Variants in TRPM4 observed in about 807,000 individuals in gnomAD.
TRPM4 encodes the protein transient receptor potential cation channel subfamily M member 4.
TRPM4 carries 124 observed loss-of-function variants against 135.6 expected under a neutral mutation model. The observed-to-expected ratio is 0.91, with a 90% CI of 0.79 to 1.06. The LOEUF (loss-of-function observed/expected upper bound fraction) is 1.06. TRPM4 is among the 50% of genes least tolerant of loss of function. The pLI is 0.00. For synonymous variants in TRPM4, 745 were observed against 705.6 expected, an observed-to-expected ratio of 1.06 and a Z score of -0.88; for missense variants, 1,658 against 1,671.4, an observed-to-expected ratio of 0.99 and a Z score of 0.14.
intron 9 of TRPM4, among the ~76,000 whole-genome samples, chr19:49,176,115 G>C (rs1360505519): frequency 6.7e-6 from 1 of 149,916 alleles, no homozygotes; most frequent in East Asian, 2.0e-4. Context: ...GTACAGACAG[G>C]GTTTCGCCAT....
Position 49,210,391 on chromosome 19 carries a change from C to T in TRPM4, c.3314C>T (p.Ala1105Val), listed in dbSNP as rs995641074. The change falls in exon 21 of 25, where the codon GCC becomes GTC. Residue 1105 changes from alanine to valine, a missense_variant. Ala to Val is a moderately conservative substitution (Grantham distance 64). Transcript: ENST00000252826. This position sits in a 1 kb window ranked among gnomAD's most constrained non-coding sequence, Gnocchi z 4.1. ...CGGAGCCCCCAGCCGTCCTCCCCGG[C>T]CCTCGAGCATTTCCGTAAGAACAGA... is the stretch of plus-strand genomic sequence containing the variant. The part of the protein sequence containing the change: ...RPRSPQPSSP[A>V]LEHFRVYLSK... The T allele has an allele frequency of 1.2e-6, 2 of 1,613,704 alleles. No homozygotes were observed. Among genetic ancestry groups the T allele is most frequent in the Non-Finnish European group, 1.7e-6 (2 of 1,180,028 alleles).
rs558877802 is a variant in TRPM4 at position 49,202,994 on chromosome 19, C to T, written c.3131+853C>T. On this transcript the variant is annotated intron_variant, in intron 20 of 24. Transcript: ENST00000252826. ...CAAGCTCCGCCACCCGGGTTCACGC[C>T]ATTCTCCTACCTCAGCCTCCTGAGT... Among the ~76,000 whole-genome samples, 6 of 151,190 alleles carry T rather than the reference C, an allele frequency of 4.0e-5. No individual in the cohort carries two copies. In the East Asian group the frequency reaches 9.7e-4, roughly 25 times the overall value.
chr19:49,206,343 G>A (rs1412566703), intron 20 of TRPM4, among the ~76,000 whole-genome samples: 1 of 151,962 alleles, frequency 6.6e-6, no homozygotes, highest in African/African-American at 2.4e-5. Context: ...AGATTGTTTT[G>A]GCTATTCTGG....
At chr19:49,189,498 G>GTTTCAGTTTTCAGCAGTTA (rs370472254) in intron 14 of TRPM4, among the ~76,000 whole-genome samples, 2,162 of 151,102 alleles carry the variant, frequency 0.014, 52 homozygotes, top group African/African-American at 0.049. Flanking sequence ...GAGGTCCCTA[G>GTTTCAGTTTTCAGCAGTTA]TTTCAGTTTT....
In TRPM4 at chr19:49,181,347, A is replaced by G; in HGVS notation, c.1151-2A>G. 1 of 1,611,372 alleles carries G rather than the reference A, an allele frequency of 6.2e-7. No homozygotes were observed. The highest frequency in any genetic ancestry group is 8.5e-7 in the Non-Finnish European group (1 of 1,177,808). On this transcript the variant is annotated splice_acceptor_variant, in intron 9 of 24. Transcript: ENST00000252826. LOFTEE classifies it high-confidence loss of function. ...TGTCCCCTCTCCCTCTAATCCTTCC[A>G]GCCTGTGGGAGCTCGGAGGCCTCAG... is the stretch of plus-strand genomic sequence containing the variant.
chr19:49,196,731 C>T lies in TRPM4; in HGVS notation c.2502C>T (p.Ser834=), dbSNP rs749938388. Residue 834 remains serine, a synonymous_variant, in exon 17 of 25, where the codon AGC becomes AGT. Transcript: ENST00000252826. ...LLCEELRQGL[S]GGGGSLASGG... ...GCGAGGAACTGCGCCAGGGCCTGAGCGGAGGCGGGGGCAGCCTCGCCAGCG... is the reference window on the plus strand; with the variant it reads ...GCGAGGAACTGCGCCAGGGCCTGAGTGGAGGCGGGGGCAGCCTCGCCAGCG... 3.2e-6 allele frequency: 5 copies of T among 1,551,974 alleles called. No individual in the cohort carries two copies. Among genetic ancestry groups the T allele is most frequent in the Non-Finnish European group, 4.3e-6 (5 of 1,155,312 alleles).
intron 20 of TRPM4, among the ~76,000 whole-genome samples, chr19:49,208,310 G>GTA (rs752873045): frequency 0.29 from 93 of 316 alleles, no homozygotes; most frequent in Admixed American, 0.39. Context: ...AGGTGGTGGA[G>GTA]CAGTCTTCTC....
chr19:49,188,822 G>A (rs754750604), intron 13 of TRPM4, 52 bp downstream of exon 13: 7 of 1,612,966 alleles, frequency 4.3e-6, no homozygotes, highest in African/African-American at 2.7e-5. Context: ...CGCCAGAGGG[G>A]GATGTGCAAC....
chr19:49,188,995 C>T lies in TRPM4; in HGVS notation c.1923C>T (p.Leu641=). 6.2e-7 allele frequency: 1 copy of T among 1,614,206 alleles called. No homozygotes were observed. The highest frequency in any genetic ancestry group is 8.5e-7 in the Non-Finnish European group (1 of 1,180,044). ...GCAGTGAGGTGAGGGCTGCCCGCCTCCTCCTCCGTCGCTGCCCGCTCTGGG... is the reference window on the plus strand; with the variant it reads ...GCAGTGAGGTGAGGGCTGCCCGCCTTCTCCTCCGTCGCTGCCCGCTCTGGG... ...YRSSEVRAAR[L]LLRRCPLWGD... is the part of the protein sequence containing the mutation. Residue 641 remains leucine, a synonymous_variant, in exon 14 of 25, where the codon CTC becomes CTT. Coordinates refer to ENST00000252826, the MANE Select transcript of TRPM4 (RefSeq NM_017636.4).
chr19:49,205,251 G>T (rs1019326161), intron 20 of TRPM4, among the ~76,000 whole-genome samples: 2 of 152,066 alleles, frequency 1.3e-5, no homozygotes, highest in African/African-American at 4.8e-5. Flanking sequence ...TTCTTCTGAG[G>T]GATGTCGGGG....
intron 12 of TRPM4, among the ~76,000 whole-genome samples, chr19:49,183,737 A>C (rs1600464274): frequency 6.9e-6 from 1 of 145,424 alleles, no homozygotes; most frequent in East Asian, 2.1e-4. Context: ...TTGATAATAT[A>C]TCTCAGTGTG....
chr19:49,210,803 G>T lies in TRPM4; in HGVS notation c.3422G>T (p.Arg1141Leu). 1 of 1,613,706 alleles carries T rather than the reference G, an allele frequency of 6.2e-7. No homozygotes were observed. The highest frequency in any genetic ancestry group is 8.5e-7 in the Non-Finnish European group (1 of 1,179,930). Residue 1141 changes from arginine to leucine, a missense_variant, in exon 22 of 25, where the codon CGG becomes CTG. Coordinates refer to ENST00000252826, the MANE Select transcript of TRPM4 (RefSeq NM_017636.4). The surrounding 1 kb of genome is among the most constrained non-coding windows in gnomAD (Gnocchi z 4.1). ...CTGCTGGCACGCGCTAGGGACAAGC[G>T]GGAGAGCGACTCCGAGCGTCTGAAG... is the stretch of plus-strand genomic sequence containing the variant. ...NFLLARARDK[R>L]ESDSERLKRT...
chr19:49,210,252 A>G lies in TRPM4; in HGVS notation c.3175A>G (p.Lys1059Glu), dbSNP rs758548947. The G allele has an allele frequency of 1.2e-6, 2 of 1,614,198 alleles. No individual in the cohort carries two copies. The highest frequency in any genetic ancestry group is 1.7e-6 in the Non-Finnish European group (2 of 1,180,032). ...ACAGGGCAACAGCGATCTCTACTGG[A>G]AGGCGCAGCGTTACCGCCTCATCCG... ...KVQGNSDLYW[K>E]AQRYRLIREF... The change falls in exon 21 of 25, where the codon AAG becomes GAG. Residue 1059 changes from lysine (K) to glutamate (E), a missense_variant. Coordinates refer to ENST00000252826, the MANE Select transcript of TRPM4 (RefSeq NM_017636.4). The surrounding 1 kb of genome is among the most constrained non-coding windows in gnomAD (Gnocchi z 4.1).
intron 15 of TRPM4, 121 bp downstream of exon 15, chr19:49,190,441 ACT>A (rs990958729): frequency 1.1e-5 from 10 of 951,246 alleles, no homozygotes; most frequent in Middle Eastern, 2.2e-4. Flanking sequence ...TAGGAATGGG[ACT>A]CTCTGTCCCT....
Position 49,210,272 on chromosome 19 carries a change from C to T in TRPM4, c.3195C>T (p.Leu1065=). 6.2e-7 allele frequency: 1 copy of T among 1,614,256 alleles called. No homozygotes were observed. Among genetic ancestry groups the T allele is most frequent in the Non-Finnish European group, 8.5e-7 (1 of 1,180,050 alleles). The change falls in exon 21 of 25, where the codon CTC becomes CTT. Residue 1065 remains leucine (L), a synonymous_variant. Coordinates refer to ENST00000252826, the MANE Select transcript of TRPM4 (RefSeq NM_017636.4). This position sits in a 1 kb window ranked among gnomAD's most constrained non-coding sequence, Gnocchi z 4.1. ...DLYWKAQRYR[L]IREFHSRPAL... ...ACTGGAAGGCGCAGCGTTACCGCCT[C>T]ATCCGGGAATTCCACTCTCGGCCCG...
chr19:49,182,451 CCCATCCATCCATCCAT>C lies in TRPM4; in HGVS notation c.1264-92_1264-77del, dbSNP rs61258103. ...ACCTATCCATTCATCCATCCATCCA[CCCATCCATCCATCCAT>C]CCATCCATCCATCCATCCATCCATC... is the stretch of plus-strand genomic sequence containing the variant. On this transcript the variant is annotated intron_variant, in intron 10 of 24. Coordinates refer to ENST00000252826, the MANE Select transcript of TRPM4 (RefSeq NM_017636.4). 0.28 allele frequency: 193,144 copies of C among 687,276 alleles called. 27,651 individuals are homozygous for C. The highest frequency in any genetic ancestry group is 0.36 in the South Asian group (23,480 of 64,340). 42.6% of individuals were successfully genotyped at this position (687,276 alleles called of 1,614,324 possible). A position where few individuals can be genotyped will look rare whatever the true frequency, so the allele number is the denominator to read the frequency against.
At chr19:49,177,990 G>C (rs974633371) in intron 9 of TRPM4, among the ~76,000 whole-genome samples, 1 of 152,148 alleles carries the variant, frequency 6.6e-6, no homozygotes, top group Non-Finnish European at 1.5e-5. Context: ...AGGGGCTAAG[G>C]CTGTCCTTGA....
chr19:49,158,558 C>A, intron 2 of TRPM4: 1 of 427,950 alleles, frequency 2.3e-6, no homozygotes, highest in Non-Finnish European at 4.2e-6. Context: ...TTCTGTGTCT[C>A]TGTCTTTCCC....
At chr19:49,161,192 G>A (rs1202289665) in intron 2 of TRPM4, among the ~76,000 whole-genome samples, 1 of 151,984 alleles carries the variant, frequency 6.6e-6, no homozygotes, top group Non-Finnish European at 1.5e-5. Context: ...TAGGTAAGAC[G>A]TCACAGGGAA....
Sources: gnomAD v4.1 joint callset for allele counts (sites outside exome capture counted in the v4.1 genomes callset) on GRCh38, gnomAD v4.1.1 for gene constraint, Gnocchi (gnomAD v3.1) non-coding constraint, MANE v1.5 for transcripts, NCBI Gene and HGNC (gene_info 2026-07-23, HGNC 2026-07-21) for gene names.